WASF1: variants seen among roughly 807,000 people sequenced by gnomAD.
WASF1 encodes actin-binding protein WASF1.
WASF1 carries 7 observed loss-of-function variants against 50.5 expected under a neutral mutation model. That is an observed-to-expected ratio of 0.14 (90% CI 0.08 to 0.26). The LOEUF (loss-of-function observed/expected upper bound fraction) is 0.26, where lower values mean the gene tolerates loss of function less well. WASF1 is among the 10% of genes least tolerant of loss of function. The pLI, the probability that WASF1 is intolerant of heterozygous loss-of-function variation, is 1.00. For synonymous variants in WASF1, 205 were observed against 244.0 expected, an observed-to-expected ratio of 0.84 and a Z score of 1.49; for missense variants, 470 against 694.7, an observed-to-expected ratio of 0.68 and a Z score of 3.64.
chr6:110,109,949 A>C (rs1773487190), intron 5 of WASF1, among the ~76,000 whole-genome samples: 1 of 152,144 alleles, frequency 6.6e-6, no homozygotes, highest in African/African-American at 2.4e-5. Flanking sequence ...GACCAATGGC[A>C]CAGAAGGTAC....
intron 4 of WASF1, among the ~76,000 whole-genome samples, chr6:110,124,188 A>AG: frequency 8.9e-6 from 1 of 111,848 alleles, no homozygotes; most frequent in African/African-American, 3.9e-5. Context: ...CAGCCCCATC[A>AG]GCGTCTCTCT....
At chr6:110,116,035 G>C (rs1773789833) in intron 4 of WASF1, among the ~76,000 whole-genome samples, 1 of 152,174 alleles carries the variant, frequency 6.6e-6, no homozygotes, top group African/African-American at 2.4e-5. Flanking sequence ...CAGACAATGA[G>C]AAAGAAGACA....
chr6:110,153,858 C>CTAT (rs1210039752), intron 3 of WASF1, among the ~76,000 whole-genome samples: 2 of 151,160 alleles, frequency 1.3e-5, no homozygotes, highest in Non-Finnish European at 2.9e-5. Flanking sequence ...GAGGTTTATG[C>CTAT]TATACGCCTG....
At chr6:110,139,075 AGGG>A (rs1435415386) in intron 3 of WASF1, among the ~76,000 whole-genome samples, 3 of 152,166 alleles carry the variant, frequency 2.0e-5, no homozygotes, top group Non-Finnish European at 4.4e-5. Context: ...CAAAGTCTGG[AGGG>A]GGTCAAGGTG....
intron 8 of WASF1, among the ~76,000 whole-genome samples, chr6:110,103,817 C>T (rs1043880753): frequency 2.2e-4 from 33 of 152,110 alleles, no homozygotes; most frequent in Non-Finnish European, 1.0e-4. Flanking sequence ...AATACTAATT[C>T]AACTCACAGG....
chr6:110,103,612 G>C (rs982231823), intron 8 of WASF1, 55 bp from the exon 9 acceptor site: 5 of 1,446,568 alleles, frequency 3.5e-6, no homozygotes, highest in East Asian at 4.7e-5. Context: ...GGAGGAAAGG[G>C]TTCTACATGA....
At chr6:110,179,184 G>C (rs1478113826) in intron 1 of WASF1, among the ~76,000 whole-genome samples, 3 of 152,168 alleles carry the variant, frequency 2.0e-5, no homozygotes, top group African/African-American at 7.2e-5. Flanking sequence ...AGCAGCCCCG[G>C]GGCGGTCCCT....
chr6:110,155,053 C>T (rs1469859705), intron 3 of WASF1, among the ~76,000 whole-genome samples: 4 of 152,000 alleles, frequency 2.6e-5, no homozygotes, highest in Admixed American at 2.6e-4. Flanking sequence ...GGAAGACTTC[C>T]AGCTAGGGCA....
intron 2 of WASF1, among the ~76,000 whole-genome samples, chr6:110,174,512 C>G (rs1187138732): frequency 6.6e-6 from 1 of 152,168 alleles, no homozygotes. Context: ...ATTAAAATGA[C>G]TGCTCCAACA....
rs546408875 is a variant in WASF1, at chr6:110,142,272, T to C, written c.-28-14643A>G. Among the ~76,000 whole-genome samples, 42 of 152,168 alleles carry C rather than the reference T, an allele frequency of 2.8e-4. 1 individual carries two copies. The highest frequency in any genetic ancestry group is 4.4e-4 in the Non-Finnish European group (30 of 68,030). Reference sequence around the variant, plus strand: ...ATTTTGATGAAAGGAATGTACAGCATACAGACTAGTTTTGAAATATTATCC... The same window carrying C: ...ATTTTGATGAAAGGAATGTACAGCACACAGACTAGTTTTGAAATATTATCC... On this transcript the variant is annotated intron_variant, in intron 3 of 10. Coordinates refer to ENST00000392589, the MANE Select transcript of WASF1 (RefSeq NM_003931.3).
intron 3 of WASF1, among the ~76,000 whole-genome samples, chr6:110,133,169 T>C (rs1774773171): frequency 6.6e-6 from 1 of 152,100 alleles, no homozygotes; most frequent in Admixed American, 6.5e-5. Flanking sequence ...TGGTTCCATA[T>C]TTTTGCAATT....
intron 3 of WASF1, among the ~76,000 whole-genome samples, chr6:110,135,094 G>A (rs1268460319): frequency 6.6e-6 from 1 of 152,054 alleles, no homozygotes; most frequent in Non-Finnish European, 1.5e-5. Flanking sequence ...TCCTTGGTTA[G>A]GTATATTTCT....
chr6:110,129,214 T>A (rs563809776), intron 3 of WASF1, among the ~76,000 whole-genome samples: 24 of 152,300 alleles, frequency 1.6e-4, no homozygotes, highest in African/African-American at 5.5e-4. Flanking sequence ...GTTGCCTTCT[T>A]GCCTCCCAGT....
intron 3 of WASF1, among the ~76,000 whole-genome samples, chr6:110,149,584 T>C (rs760476344): frequency 6.6e-6 from 1 of 151,754 alleles, no homozygotes; most frequent in Non-Finnish European, 1.5e-5. Flanking sequence ...TCATATCCGA[T>C]TTTTGTAGAT....
intron 3 of WASF1, among the ~76,000 whole-genome samples, chr6:110,144,443 G>C (rs1018106206): frequency 6.6e-6 from 1 of 152,118 alleles, no homozygotes; most frequent in Admixed American, 6.5e-5. Context: ...GGTTTCTTTT[G>C]CTGTGCAGAA....
At chr6:110,148,439 A>G (rs1295464346) in intron 3 of WASF1, among the ~76,000 whole-genome samples, 1 of 152,136 alleles carries the variant, frequency 6.6e-6, no homozygotes, top group Non-Finnish European at 1.5e-5. Flanking sequence ...AGGAAGTAAT[A>G]TTTAAATTAA....
chr6:110,104,605 A>G (rs976089156), intron 8 of WASF1, among the ~76,000 whole-genome samples: 2 of 152,282 alleles, frequency 1.3e-5, no homozygotes, highest in South Asian at 2.1e-4. Context: ...CCCGGCCAAC[A>G]TGGTGAGACC....
intron 3 of WASF1, 133 bp from the exon 4 acceptor site, chr6:110,127,762 T>C (rs751900771): frequency 6.3e-6 from 5 of 790,954 alleles, no homozygotes; most frequent in Non-Finnish European, 6.9e-6. Flanking sequence ...GTCCACTTAC[T>C]GGTGGATTTT....
chr6:110,167,136 TCA>T (rs1482711563), intron 2 of WASF1, among the ~76,000 whole-genome samples: 3 of 149,842 alleles, frequency 2.0e-5, no homozygotes, highest in Non-Finnish European at 3.0e-5. Context: ...AAAGCATTAC[TCA>T]CATATTTGTG....
Sources: gnomAD v4.1 joint callset for allele counts (sites outside exome capture counted in the v4.1 genomes callset) on GRCh38, gnomAD v4.1.1 for gene constraint, MANE v1.5 for transcripts, NCBI Gene and HGNC (gene_info 2026-07-23, HGNC 2026-07-21) for gene names.